TM9SF3: variants seen among roughly 807,000 people sequenced by gnomAD.
TM9SF3 encodes SM-11044-binding protein.
Under a neutral mutation model 78.6 loss-of-function variants are expected in TM9SF3, and 14 were observed. The observed-to-expected ratio is 0.18, with a 90% confidence interval of 0.12 to 0.28. The LOEUF is 0.28. Among genes scored for constraint, TM9SF3 ranks in the 10% least tolerant of loss-of-function variants. The pLI is 1.00. For missense variants in TM9SF3, 496 were observed against 721.9 expected, an observed-to-expected ratio of 0.69 and a Z score of 3.59; for synonymous variants, 231 against 241.7, an observed-to-expected ratio of 0.96 and a Z score of 0.41.
At chr10:96,569,794 G>A (rs1848419017) in intron 2 of TM9SF3, among the ~76,000 whole-genome samples, 1 of 152,206 alleles carries the variant, frequency 6.6e-6, no homozygotes, top group Non-Finnish European at 1.5e-5. Context: ...AGCATTTTGG[G>A]AGGCCGAGGC....
intron 5 of TM9SF3, 62 bp from the exon 6 acceptor site, chr10:96,553,121 C>A: frequency 1.3e-6 from 2 of 1,484,578 alleles, no homozygotes; most frequent in Non-Finnish European, 1.8e-6. Flanking sequence ...TTCATAGGTT[C>A]CATGAGGACA....
intron 2 of TM9SF3, among the ~76,000 whole-genome samples, chr10:96,572,746 G>C (rs909128615): frequency 6.6e-6 from 1 of 151,712 alleles, no homozygotes; most frequent in African/African-American, 2.4e-5. Context: ...TCGACCCCCT[G>C]ACCTCGTGAT....
chr10:96,586,143 G>A (rs1427368571), intron 1 of TM9SF3, among the ~76,000 whole-genome samples: 3 of 152,298 alleles, frequency 2.0e-5, no homozygotes, highest in Admixed American at 1.3e-4. Flanking sequence ...CGTGTAGGTT[G>A]GGTGCACTTA....
intron 5 of TM9SF3, among the ~76,000 whole-genome samples, chr10:96,559,089 G>T (rs1848271299): frequency 6.6e-6 from 1 of 152,122 alleles, no homozygotes; most frequent in African/African-American, 2.4e-5. Flanking sequence ...TCCCATTCTT[G>T]ATGTTTCTTT....
chr10:96,585,299 C>T (rs7086213), intron 1 of TM9SF3, among the ~76,000 whole-genome samples: 29,310 of 152,000 alleles, frequency 0.19, 3,091 homozygotes, highest in Admixed American at 0.3. Context: ...TGGATGCCCA[C>T]TGAAAATTTA....
At chr10:96,584,100 T>C (rs1848604267) in intron 1 of TM9SF3, among the ~76,000 whole-genome samples, 1 of 152,116 alleles carries the variant, frequency 6.6e-6, no homozygotes, top group Non-Finnish European at 1.5e-5. Flanking sequence ...AAAGACATAC[T>C]AGGTATTATC....
rs1273395776 is a variant in TM9SF3 at position 96,519,039 on chromosome 10, AG to A, written c.*3223del. 6.6e-6 allele frequency: 1 copy of A among 152,118 alleles called. No homozygotes were observed. The highest frequency in any genetic ancestry group is 1.5e-5 in the Non-Finnish European group (1 of 67,942). 9.4% of individuals were successfully genotyped at this position (152,118 alleles called of 1,614,324 possible). A position where few individuals can be genotyped will look rare whatever the true frequency, so the allele number is the denominator to read the frequency against. On this transcript the variant is annotated 3_prime_UTR_variant, in exon 15 of 15. Transcript: ENST00000371142. ...GATTACAAATGGGTCTCCCCACCAC[AG>A]AATTCATATACAAAAGCCCTTCGGT...
chr10:96,562,460 T>A (rs558998980), intron 3 of TM9SF3, among the ~76,000 whole-genome samples: 3 of 152,222 alleles, frequency 2.0e-5, no homozygotes. Context: ...CTCCCTAACA[T>A]CTCAAAATTT....
chr10:96,524,621 G>A (rs1389084980), intron 14 of TM9SF3, among the ~76,000 whole-genome samples: 1 of 151,746 alleles, frequency 6.6e-6, no homozygotes, highest in Non-Finnish European at 1.5e-5. Flanking sequence ...ATGCCCTCTA[G>A]AAAAGTAAAT....
rs546350562 is a variant in TM9SF3 at position 96,518,510 on chromosome 10, T to C, written c.*3753A>G. 3.3e-5 allele frequency: 5 copies of C among 152,328 alleles called. No homozygotes were observed. The South Asian group carries it at 1.0e-3, about 32-fold the overall frequency. The allele number at this position is 152,328 out of a possible 1,614,324, so 9.4% of individuals were successfully genotyped here. On this transcript the variant is annotated 3_prime_UTR_variant, in exon 15 of 15. Coordinates refer to ENST00000371142, the MANE Select transcript of TM9SF3 (RefSeq NM_020123.4). ...AACACAAACTGCTGCAGTTATCAAT[T>C]AGCAAGCCTAGTTCACCAATACTTC...
rs1478860583 is a variant in TM9SF3, at chr10:96,521,260, T to TCG, written c.*1002_*1003insCG. ...TACACCAATCATCATAAGAAAAAAGTACTCTGTAGTCGATCTGTACATCCA... is the reference window on the plus strand; with the variant it reads ...TACACCAATCATCATAAGAAAAAAGTCGACTCTGTAGTCGATCTGTACATCCA... On this transcript the variant is annotated 3_prime_UTR_variant, in exon 15 of 15. Coordinates refer to ENST00000371142, the MANE Select transcript of TM9SF3 (RefSeq NM_020123.4). The TCG allele has an allele frequency of 5.3e-6, 1 of 190,180 alleles. No individual in the cohort carries two copies. Among genetic ancestry groups the TCG allele is most frequent in the Non-Finnish European group, 1.1e-5 (1 of 93,066 alleles). The allele number at this position is 190,180 out of a possible 1,614,324, so 11.8% of individuals were successfully genotyped here.
At chr10:96,582,621 A>T (rs937655362) in intron 1 of TM9SF3, among the ~76,000 whole-genome samples, 1 of 152,222 alleles carries the variant, frequency 6.6e-6, no homozygotes, top group Non-Finnish European at 1.5e-5. Flanking sequence ...TTTTCATTTC[A>T]AACAACATGT....
Position 96,518,389 on chromosome 10 carries a change from A to G in TM9SF3, c.*3874T>C, listed in dbSNP as rs1197968765. On this transcript the variant is annotated 3_prime_UTR_variant, in exon 15 of 15. Transcript: ENST00000371142. ...AACCAACTGGAGCTGCTTTTCCAAGAATGTTCTGTTGTCCTTCAAATAGAA... is the reference window on the plus strand; with the variant it reads ...AACCAACTGGAGCTGCTTTTCCAAGGATGTTCTGTTGTCCTTCAAATAGAA... The G allele has an allele frequency of 6.6e-6, 1 of 152,166 alleles. No homozygotes were observed. The highest frequency in any genetic ancestry group is 1.9e-4 in the East Asian group (1 of 5,202). The allele number at this position is 152,166 out of a possible 1,614,324, so 9.4% of individuals were successfully genotyped here. A position where few individuals can be genotyped will look rare whatever the true frequency, so the allele number is the denominator to read the frequency against.
chr10:96,522,287 G>C lies in TM9SF3; in HGVS notation c.1746C>G (p.Ile582Met). Reference protein sequence around the residue: ...YMGTSAFVRKIYTNVKID With the variant: ...YMGTSAFVRKMYTNVKID ...TCTAGTCAATTTTCACATTAGTATA[G>C]ATTTTTCGGACAAAGGCACTTGTTC... Residue 582 changes from isoleucine (I) to methionine (M), a missense_variant, in exon 15 of 15, where the codon ATC becomes ATG. Physicochemically the swap from Ile to Met is conservative, Grantham distance 10. Around this residue, in one of 4 missense-constraint regions of TM9SF3, gnomAD observed 280 missense variants for 422.6 expected, o/e 0.66. Coordinates refer to ENST00000371142, the MANE Select transcript of TM9SF3 (RefSeq NM_020123.4). 2 of 1,586,462 alleles carry C rather than the reference G, an allele frequency of 1.3e-6. No individual in the cohort carries two copies.
At chr10:96,559,612 C>A (rs1321778880) in intron 5 of TM9SF3, 47 bp downstream of exon 5, 1 of 1,355,484 alleles carries the variant, frequency 7.4e-7, no homozygotes, top group East Asian at 2.4e-5. Context: ...GTTTGTTGAA[C>A]GAATTGGTGC....
intron 4 of TM9SF3, chr10:96,560,095 T>G: frequency 1.6e-6 from 1 of 628,002 alleles, no homozygotes; most frequent in East Asian, 2.9e-5. Context: ...ATCTGCCTGG[T>G]GTAATTCTGT....
At chr10:96,525,688 C>T (rs1354630046) in intron 14 of TM9SF3, among the ~76,000 whole-genome samples, 3 of 152,028 alleles carry the variant, frequency 2.0e-5, no homozygotes, top group Non-Finnish European at 2.9e-5. Context: ...AAATTATCCA[C>T]TCTCTGGAAA....
chr10:96,542,007 A>G (rs1430319559), intron 9 of TM9SF3, among the ~76,000 whole-genome samples: 1 of 152,230 alleles, frequency 6.6e-6, no homozygotes. Context: ...CCTGAGCATT[A>G]AAATTTTTTA....
At chr10:96,556,902 C>A (rs955816435) in intron 5 of TM9SF3, among the ~76,000 whole-genome samples, 1 of 152,164 alleles carries the variant, frequency 6.6e-6, no homozygotes, top group Admixed American at 6.5e-5. Context: ...GCTCATCTTA[C>A]TTGACCCATC....
Sources: allele counts gnomAD v4.1 joint callset (sites outside exome capture counted in the v4.1 genomes callset), GRCh38; gene constraint gnomAD v4.1.1; regional missense constraint gnomAD v4.1.1; transcripts MANE v1.5; gene names NCBI Gene and HGNC (gene_info 2026-07-23, HGNC 2026-07-21).